CTNNA2: variants seen among roughly 807,000 people sequenced by gnomAD.
CTNNA2 encodes the protein catenin alpha 2.
In CTNNA2, 42 loss-of-function variants were observed where a neutral mutation model predicts 101.0. The ratio of observed to expected loss-of-function variants is 0.42; its 90% CI spans 0.32 to 0.54. The LOEUF (loss-of-function observed/expected upper bound fraction) is 0.54. CTNNA2 is among the 20% of genes least tolerant of loss of function. The probability of loss-of-function intolerance (pLI) is 0.14; values close to 1 mark genes in which losing one functional copy is unlikely to be tolerated. For missense variants in CTNNA2, 871 were observed against 1,223.1 expected (o/e 0.71, Z 4.29); for synonymous variants, 450 against 456.4 (o/e 0.99, Z 0.18).
intron 3 of CTNNA2, among the ~76,000 whole-genome samples, chr2:79,800,067 A>C (rs1215964881): frequency 6.6e-6 from 1 of 152,236 alleles, no homozygotes; most frequent in Non-Finnish European, 1.5e-5. Context: ...CAGATGGATT[A>C]ATCTGTAACT....
chr2:79,841,778 C>G (rs1161615007), intron 3 of CTNNA2, among the ~76,000 whole-genome samples: 1 of 152,178 alleles, frequency 6.6e-6, no homozygotes, highest in South Asian at 2.1e-4. Context: ...CTCTGCAGAG[C>G]AAAGGAAAAG....
intron 1 of CTNNA2, chr2:79,185,640 C>T (rs1673767661): frequency 6.6e-6 from 1 of 151,806 alleles, no homozygotes; most frequent in African/African-American, 2.4e-5. Context: ...AAATTCAATA[C>T]CTAGATAAGT....
In CTNNA2 at chr2:79,229,373, G is replaced by A. The variant is rs193203909; in HGVS notation, c.-406+31297G>A. On this transcript the variant is annotated intron_variant, in intron 2 of 21. Transcript: ENST00000466387. ...GGCAGGTCTTTCCCGTGCTATTCTC[G>A]TGATGGTGAATAAATCTCATGACAT... Among the ~76,000 whole-genome samples, 363 of 152,212 alleles carry A rather than the reference G, an allele frequency of 2.4e-3. 1 individual carries two copies. Among genetic ancestry groups the A allele is most frequent in the African/African-American group, 8.4e-3 (347 of 41,526 alleles).
At chr2:79,874,449 C>T in intron 6 of CTNNA2, 107 bp downstream of exon 6, 1 of 1,351,806 alleles carries the variant, frequency 7.4e-7, no homozygotes, top group Non-Finnish European at 1.0e-6. Flanking sequence ...TGATTTTTCT[C>T]TTTTGGAGGT....
intron 3 of CTNNA2, among the ~76,000 whole-genome samples, chr2:79,369,498 C>G (rs1277166323): frequency 6.6e-6 from 1 of 152,142 alleles, no homozygotes; most frequent in East Asian, 1.9e-4. Context: ...ACCCCTGTCT[C>G]CGGCCCATTG....
chr2:80,590,265 T>C (rs1696353958), intron 15 of CTNNA2, among the ~76,000 whole-genome samples: 1 of 152,190 alleles, frequency 6.6e-6, no homozygotes, highest in Non-Finnish European at 1.5e-5. Context: ...TCCCTGAATT[T>C]TGAGTCAGAA....
chr2:79,692,910 A>G (rs1180400990), intron 2 of CTNNA2, among the ~76,000 whole-genome samples: 3 of 151,714 alleles, frequency 2.0e-5, no homozygotes, highest in Admixed American at 2.0e-4. Flanking sequence ...CATTAGCAGA[A>G]ATACCTAATG....
intron 9 of CTNNA2, among the ~76,000 whole-genome samples, chr2:80,454,062 G>A (rs971282664): frequency 6.6e-6 from 1 of 152,104 alleles, no homozygotes; most frequent in African/African-American, 2.4e-5. Flanking sequence ...GGGCAAAGAG[G>A]GAGAAAGAAA....
chr2:80,238,188 G>A (rs541116292), intron 7 of CTNNA2, among the ~76,000 whole-genome samples: 74 of 152,020 alleles, frequency 4.9e-4, no homozygotes, highest in Non-Finnish European at 4.9e-4. Context: ...ATGACTCTGT[G>A]ACCTCAAGGA....
intron 9 of CTNNA2, among the ~76,000 whole-genome samples, chr2:80,512,841 T>C (rs1442965601): frequency 6.6e-6 from 1 of 152,188 alleles, no homozygotes; most frequent in Non-Finnish European, 1.5e-5. Context: ...ACAGATATAC[T>C]GCATATCTAT....
At chr2:80,277,781 C>G (rs1169964482) in intron 7 of CTNNA2, among the ~76,000 whole-genome samples, 2 of 152,234 alleles carry the variant, frequency 1.3e-5, no homozygotes, top group Admixed American at 1.3e-4. Context: ...CTTCATCACT[C>G]CTTCTGCTAG....
At chr2:80,038,644 G>A (rs1695825696) in intron 7 of CTNNA2, among the ~76,000 whole-genome samples, 1 of 152,104 alleles carries the variant, frequency 6.6e-6, no homozygotes, top group Admixed American at 6.6e-5. Flanking sequence ...TCAGGAGTTC[G>A]AGACCAGCCT....
intron 7 of CTNNA2, among the ~76,000 whole-genome samples, chr2:80,055,358 G>T (rs1168420028): frequency 6.6e-6 from 1 of 152,006 alleles, no homozygotes; most frequent in African/African-American, 2.4e-5. Context: ...CTGTCTACAT[G>T]GTAATGACTT....
chr2:79,993,360 C>A (rs1692315190), intron 7 of CTNNA2, among the ~76,000 whole-genome samples: 1 of 152,116 alleles, frequency 6.6e-6, no homozygotes, highest in Non-Finnish European at 1.5e-5. Flanking sequence ...ATTTTTTGGG[C>A]TCCCACGTGG....
intron 2 of CTNNA2, among the ~76,000 whole-genome samples, chr2:79,691,585 G>A (rs541068502): frequency 3.9e-4 from 59 of 151,494 alleles, no homozygotes; most frequent in African/African-American, 1.4e-3. Flanking sequence ...TAAGCAAAAA[G>A]CACAAAGCTG....
chr2:79,689,230 G>T (rs1026918916), intron 2 of CTNNA2, among the ~76,000 whole-genome samples: 2 of 151,914 alleles, frequency 1.3e-5, no homozygotes, highest in African/African-American at 4.8e-5. Context: ...AAAATCACAT[G>T]TCTGGATTTC....
chr2:80,387,544 A>G (rs1280064533), intron 7 of CTNNA2, among the ~76,000 whole-genome samples: 1 of 152,180 alleles, frequency 6.6e-6, no homozygotes, highest in Non-Finnish European at 1.5e-5. Flanking sequence ...GTGTTATTAA[A>G]AAGAAATTGT....
upstream of CTNNA2, among the ~76,000 whole-genome samples, chr2:79,512,829 A>G (rs1671592653): frequency 6.8e-6 from 1 of 146,984 alleles, no homozygotes; most frequent in South Asian, 2.3e-4. Flanking sequence ...CCCCCCACCC[A>G]GCCACCCCTC....
chr2:80,561,323 G>A (rs1693570909), intron 12 of CTNNA2, among the ~76,000 whole-genome samples: 1 of 152,164 alleles, frequency 6.6e-6, no homozygotes, highest in Middle Eastern at 3.2e-3. Flanking sequence ...CCAGTAAAGA[G>A]CCCTTAAATA....
Sources: gnomAD v4.1 joint callset for allele counts (sites outside exome capture counted in the v4.1 genomes callset) on GRCh38, gnomAD v4.1.1 for gene constraint, MANE v1.5 for transcripts, NCBI Gene and HGNC (gene_info 2026-07-23, HGNC 2026-07-21) for gene names.